KCNIP1: variants seen among roughly 807,000 people sequenced by gnomAD.
KCNIP1 encodes the protein A-type potassium channel modulatory protein KCNIP1.
In KCNIP1, 18 loss-of-function variants were observed where a neutral mutation model predicts 33.0. The ratio of observed to expected loss-of-function variants is 0.55; its 90% CI spans 0.38 to 0.81. The LOEUF (loss-of-function observed/expected upper bound fraction) is 0.81. Ranked by LOEUF, KCNIP1 falls within the 30% of genes least tolerant of loss-of-function variation. The pLI is 0.00. For missense variants in KCNIP1, 238 were observed against 271.6 expected (o/e 0.88, Z 0.87); for synonymous variants, 93 against 98.3 (o/e 0.95, Z 0.32).
In KCNIP1 at chr5:170,489,513, C is replaced by T. The variant is rs1757162514; in HGVS notation, c.88+135549C>T. ...CCTTCTTTCTCCATATTGCTAGACCCCCTTCTCTTGGTCCCCTGCCTCCTC... is the reference window on the plus strand; with the variant it reads ...CCTTCTTTCTCCATATTGCTAGACCTCCTTCTCTTGGTCCCCTGCCTCCTC... On this transcript the variant is annotated intron_variant, in intron 1 of 7. Transcript: ENST00000377360. The surrounding 1 kb of genome is among the most constrained non-coding windows in gnomAD (Gnocchi z 4.3). 6.6e-6 allele frequency among the ~76,000 whole-genome samples: 1 copy of T among 151,316 alleles called. No homozygotes were observed. The highest frequency in any genetic ancestry group is 1.5e-5 in the Non-Finnish European group (1 of 67,568).
At chr5:170,505,299 G>A (rs962822811) in intron 1 of KCNIP1, among the ~76,000 whole-genome samples, 1 of 152,294 alleles carries the variant, frequency 6.6e-6, no homozygotes, top group East Asian at 1.9e-4. Context: ...CCTGTCCCCA[G>A]CCGAGGCATG....
chr5:170,732,997 T>C, intron 6 of KCNIP1, 93 bp downstream of exon 6: 1 of 718,300 alleles, frequency 1.4e-6, no homozygotes, highest in Non-Finnish European at 2.5e-6. Flanking sequence ...TCCAACCCTG[T>C]ACTAAGCATG....
chr5:170,680,525 G>A (rs1278225016), intron 1 of KCNIP1: 1 of 152,190 alleles, frequency 6.6e-6, no homozygotes, highest in Non-Finnish European at 1.5e-5. Context: ...CTTTCCTGGT[G>A]GTACAGTTTC....
chr5:170,448,886 G>GGTAATT (rs1263173388), intron 1 of KCNIP1, among the ~76,000 whole-genome samples: 2 of 152,176 alleles, frequency 1.3e-5, no homozygotes, highest in African/African-American at 4.8e-5. Flanking sequence ...AACCCTACAA[G>GGTAATT]GTAATTGTTC....
intron 1 of KCNIP1, chr5:170,560,965 AG>A (rs756411352): frequency 1.1e-5 from 4 of 356,778 alleles, no homozygotes; most frequent in African/African-American, 2.1e-5. Context: ...TCTCACAAGA[AG>A]GAGTCCCCTC....
At chr5:170,715,349 G>A (rs545551304) in intron 1 of KCNIP1, among the ~76,000 whole-genome samples, 52 of 152,228 alleles carry the variant, frequency 3.4e-4, no homozygotes, top group South Asian at 1.9e-3. Context: ...GTTGTTAAGC[G>A]ACACATGACT....
chr5:170,467,395 C>T (rs764262969), intron 1 of KCNIP1, among the ~76,000 whole-genome samples: 6 of 152,110 alleles, frequency 3.9e-5, no homozygotes, highest in Non-Finnish European at 5.9e-5. Context: ...TACTTTTGCA[C>T]CAACCCAATA....
At chr5:170,459,366 C>T (rs1756457457) in intron 1 of KCNIP1, among the ~76,000 whole-genome samples, 1 of 152,098 alleles carries the variant, frequency 6.6e-6, no homozygotes, top group Admixed American at 6.5e-5. Flanking sequence ...ATAGAACATT[C>T]TATCAAACAA....
At chr5:170,360,631 T>C (rs1352679042) in intron 1 of KCNIP1, among the ~76,000 whole-genome samples, 2 of 152,164 alleles carry the variant, frequency 1.3e-5, no homozygotes, top group East Asian at 3.8e-4. Flanking sequence ...TTCAAAATTA[T>C]CCCCCCTGCC....
intron 1 of KCNIP1, among the ~76,000 whole-genome samples, chr5:170,399,850 T>C (rs1419855400): frequency 6.6e-6 from 1 of 152,230 alleles, no homozygotes; most frequent in Non-Finnish European, 1.5e-5. Flanking sequence ...TCTCCAGTGA[T>C]GATCTGTTCA....
intron 1 of KCNIP1, among the ~76,000 whole-genome samples, chr5:170,573,450 C>A (rs1487950369): frequency 6.6e-6 from 1 of 151,218 alleles, no homozygotes; most frequent in South Asian, 2.1e-4. Context: ...AACCTCTTTA[C>A]AAAATTTAAA....
rs369923472 is a variant in KCNIP1, at chr5:170,397,665, A to G, written c.88+43701A>G. ...CCTCATTAAATATTCTTTGCATAAA[A>G]TAGGTTGATGAAAAGAGTCAAACTC... On this transcript the variant is annotated intron_variant, in intron 1 of 7. Coordinates refer to the KCNIP1 transcript ENST00000377360. Among the ~76,000 whole-genome samples the G allele has an allele frequency of 1.0e-3, 156 of 152,342 alleles. 2 individuals carry two copies. The South Asian group carries it at 0.031, about 30-fold the overall frequency.
intron 1 of KCNIP1, among the ~76,000 whole-genome samples, chr5:170,426,110 A>C (rs1755607614): frequency 6.6e-6 from 1 of 152,168 alleles, no homozygotes; most frequent in Non-Finnish European, 1.5e-5. Flanking sequence ...GGTTCCTTGC[A>C]GTAAGTCCCT....
At chr5:170,617,065 T>C (rs1333875643) in intron 1 of KCNIP1, among the ~76,000 whole-genome samples, 1 of 152,000 alleles carries the variant, frequency 6.6e-6, no homozygotes, top group African/African-American at 2.4e-5. Flanking sequence ...TTATTTGTCT[T>C]GGTATCTCTA....
intron 1 of KCNIP1, among the ~76,000 whole-genome samples, chr5:170,357,122 T>A (rs900659482): frequency 6.8e-6 from 1 of 147,684 alleles, no homozygotes; most frequent in African/African-American, 2.5e-5. Flanking sequence ...TTAAAGAATC[T>A]CTTTGGCATT....
chr5:170,559,700 A>G (rs1462415448), intron 1 of KCNIP1, among the ~76,000 whole-genome samples: 1 of 152,072 alleles, frequency 6.6e-6, no homozygotes, highest in Admixed American at 6.6e-5. Context: ...TCACCTCTAC[A>G]TCCTCTGCAT....
intron 2 of KCNIP1, 30 bp downstream of exon 2, chr5:170,718,912 G>A (rs775378266): frequency 9.4e-6 from 15 of 1,595,336 alleles, no homozygotes; most frequent in East Asian, 4.5e-5. Context: ...TGAAGGCCTG[G>A]GGGGGGTTCC....
rs553002556 is a variant in KCNIP1 at position 170,435,455 on chromosome 5, C to T, written c.88+81491C>T. On this transcript the variant is annotated intron_variant, in intron 1 of 7. Transcript: ENST00000377360. ...GGTGCAGACAGCGCACCCCCAACAC[C>T]CCCGAGTTTCCGCCTCCTCATCTGG... Among the ~76,000 whole-genome samples, 10 of 152,326 alleles carry T rather than the reference C, an allele frequency of 6.6e-5. No homozygotes were observed. In the South Asian group the frequency reaches 1.9e-3, roughly 28 times the overall value.
Position 170,504,336 on chromosome 5 carries a change from C to A in KCNIP1, c.-237C>A, listed in dbSNP as rs1362941376. Reference sequence around the variant, plus strand: ...CGGGCCGGGTCCTCGCGCGGGGAAGCGGTTCCGAAGGCTCGCGGGGAGCGG... The same window carrying A: ...CGGGCCGGGTCCTCGCGCGGGGAAGAGGTTCCGAAGGCTCGCGGGGAGCGG... On this transcript the variant is annotated 5_prime_UTR_variant, in exon 1 of 8. Coordinates refer to ENST00000328939, the MANE Select transcript of KCNIP1 (RefSeq NM_014592.4). This position sits in a 1 kb window ranked among gnomAD's most constrained non-coding sequence, Gnocchi z 6.0. The A allele has an allele frequency of 1.7e-5, 23 of 1,376,430 alleles. No homozygotes were observed. Among genetic ancestry groups the A allele is most frequent in the Admixed American group, 3.4e-5 (1 of 29,474 alleles). 85.3% of individuals were successfully genotyped at this position (1,376,430 alleles called of 1,614,324 possible). A position where few individuals can be genotyped will look rare whatever the true frequency, so the allele number is the denominator to read the frequency against.
Sources: gnomAD v4.1 joint callset for allele counts (sites outside exome capture counted in the v4.1 genomes callset) on GRCh38, gnomAD v4.1.1 for gene constraint, Gnocchi (gnomAD v3.1) non-coding constraint, MANE v1.5 for transcripts, NCBI Gene and HGNC (gene_info 2026-07-23, HGNC 2026-07-21) for gene names.